PCDHGA10: variants seen among roughly 807,000 people sequenced by gnomAD.
PCDHGA10 encodes the protein protocadherin gamma subfamily A, 10, also known as protocadherin gamma-A10.
In PCDHGA10, 42 loss-of-function variants were observed where a neutral mutation model predicts 59.5. The observed-to-expected ratio is 0.71, with a 90% CI of 0.55 to 0.91. The LOEUF (loss-of-function observed/expected upper bound fraction) is 0.91. PCDHGA10 is among the 40% of genes least tolerant of loss of function. The probability of loss-of-function intolerance (pLI) is 0.00; values close to 1 mark genes in which losing one functional copy is unlikely to be tolerated. For synonymous variants in PCDHGA10, 511 were observed against 517.2 expected, an observed-to-expected ratio of 0.99 and a Z score of 0.16; for missense variants, 1,111 against 1,198.2, an observed-to-expected ratio of 0.93 and a Z score of 1.07.
rs1340590903 is a variant in PCDHGA10, at chr5:141,432,842, G to A, written c.2436+17231G>A. On this transcript the variant is annotated intron_variant, in intron 1 of 3. Coordinates refer to ENST00000398610, the MANE Select transcript of PCDHGA10 (RefSeq NM_018913.3). This position sits in a 1 kb window ranked among gnomAD's most constrained non-coding sequence, Gnocchi z 6.0. ...CTCAGACCTCACTCTGTACCTGGTG[G>A]TAGCGGTGGCCGCGGTCTCCTGCGT... 5 of 1,614,192 alleles carry A rather than the reference G, an allele frequency of 3.1e-6. No individual in the cohort carries two copies. The South Asian group carries it at 4.4e-5, about 14-fold the overall frequency.
chr5:141,460,430 G>T (rs1163518139), intron 1 of PCDHGA10, among the ~76,000 whole-genome samples: 2 of 152,110 alleles, frequency 1.3e-5, no homozygotes, highest in African/African-American at 4.8e-5. Flanking sequence ...ATGGTGTATG[G>T]TGTGAGGTAA....
At position 141,505,504 on chromosome 5, in the gene PCDHGA10, T is replaced by C. The variant is rs756583857; in HGVS notation, c.2584+23T>C. The C allele has an allele frequency of 9.3e-6, 15 of 1,614,020 alleles. No individual in the cohort carries two copies. The African/African-American group carries it at 1.2e-4, about 13-fold the overall frequency. ...GTGGTAAGTGGTGTCAGTGTGTGTA[T>C]GGAAGAGTGGGAGACCTGGGGTTCT... On this transcript the variant is annotated intron_variant, in intron 3 of 3. Transcript: ENST00000398610.
At chr5:141,463,784 T>G (rs2099069378) in intron 1 of PCDHGA10, among the ~76,000 whole-genome samples, 1 of 152,194 alleles carries the variant, frequency 6.6e-6, no homozygotes, top group South Asian at 2.1e-4. Context: ...CTGCACTGTC[T>G]TTTGAACAAA....
At chr5:141,472,980 C>CAAAAAA (rs60579131) in intron 1 of PCDHGA10, among the ~76,000 whole-genome samples, 7 of 86,100 alleles carry the variant, frequency 8.1e-5, no homozygotes, top group South Asian at 4.3e-4. Context: ...GAGTGAAACT[C>CAAAAAA]AAAAAAAAAA....
intron 1 of PCDHGA10, chr5:141,419,095 G>A (rs1478382101): frequency 1.2e-6 from 2 of 1,613,816 alleles, no homozygotes; most frequent in African/African-American, 2.7e-5. Context: ...CCCTGGATCG[G>A]GAGCAGACCC....
At chr5:141,420,527 G>T (rs368419425) in intron 1 of PCDHGA10, 3 of 349,150 alleles carry the variant, frequency 8.6e-6, no homozygotes, top group Non-Finnish European at 1.5e-5. Flanking sequence ...ATACCTTTCG[G>T]TTAAAAATAT....
chr5:141,490,103 C>T lies in PCDHGA10; in HGVS notation c.2437-4704C>T, dbSNP rs1012215533. ...TCTTTTGGAGACCACACATCTGAGG[C>T]AGTGCGGAACCTCTTTGGCCTAGAC... On this transcript the variant is annotated intron_variant, in intron 1 of 3. Coordinates refer to ENST00000398610, the MANE Select transcript of PCDHGA10 (RefSeq NM_018913.3). The surrounding 1 kb of genome is among the most constrained non-coding windows in gnomAD (Gnocchi z 5.4). The T allele has an allele frequency of 6.2e-7, 1 of 1,614,122 alleles. No homozygotes were observed. The highest frequency in any genetic ancestry group is 1.3e-5 in the African/African-American group (1 of 74,954).
intron 1 of PCDHGA10, chr5:141,419,253 A>C (rs1590154657): frequency 6.2e-7 from 1 of 1,613,990 alleles, no homozygotes; most frequent in South Asian, 1.1e-5. Context: ...CCAGAAAACA[A>C]CCAGCCGGGT....
intron 1 of PCDHGA10, chr5:141,428,912 T>C (rs1010303812): frequency 6.6e-6 from 1 of 151,946 alleles, no homozygotes; most frequent in Non-Finnish European, 1.5e-5. Context: ...TGGAGTGCAG[T>C]GGCATGATCT....
chr5:141,418,273 A>G (rs1440274831), intron 1 of PCDHGA10: 2 of 1,614,082 alleles, frequency 1.2e-6, no homozygotes, highest in Non-Finnish European at 8.5e-7. Flanking sequence ...AAGATGAAAT[A>G]AACTTAGAAA....
intron 2 of PCDHGA10, among the ~76,000 whole-genome samples, chr5:141,501,057 C>T (rs185929124): frequency 9.7e-4 from 147 of 151,960 alleles, no homozygotes; most frequent in African/African-American, 3.4e-3. Context: ...TTAGTAGAGA[C>T]GGGGTTTCAC....
At chr5:141,438,487 G>T (rs1030201971) in intron 1 of PCDHGA10, among the ~76,000 whole-genome samples, 9 of 150,284 alleles carry the variant, frequency 6.0e-5, no homozygotes, top group African/African-American at 2.2e-4. Flanking sequence ...GTCTCTTGGA[G>T]AAAAAAGAAT....
In PCDHGA10 at chr5:141,486,546, G is replaced by A. The variant is rs1156517969; in HGVS notation, c.2437-8261G>A. Reference sequence around the variant, plus strand: ...GATAATCCACCCTCTTTCTTTCAGAGGTCACATGAGGTGTTTGTTCCTGAG... The same window carrying A: ...GATAATCCACCCTCTTTCTTTCAGAAGTCACATGAGGTGTTTGTTCCTGAG... On this transcript the variant is annotated intron_variant, in intron 1 of 3. Coordinates refer to ENST00000398610, the MANE Select transcript of PCDHGA10 (RefSeq NM_018913.3). The surrounding 1 kb of genome is among the most constrained non-coding windows in gnomAD (Gnocchi z 5.0). 3 of 1,614,084 alleles carry A rather than the reference G, an allele frequency of 1.9e-6. No homozygotes were observed. The East Asian group carries it at 6.7e-5, about 36-fold the overall frequency.
rs968865313 is a variant in PCDHGA10, at chr5:141,511,294, C to T, written c.*121C>T. 1 of 1,506,752 alleles carries T rather than the reference C, an allele frequency of 6.6e-7. No individual in the cohort carries two copies. Among genetic ancestry groups the T allele is most frequent in the Non-Finnish European group, 8.9e-7 (1 of 1,123,692 alleles). 93.3% of individuals were successfully genotyped at this position (1,506,752 alleles called of 1,614,324 possible). On this transcript the variant is annotated 3_prime_UTR_variant, in exon 4 of 4. Coordinates refer to ENST00000398610, the MANE Select transcript of PCDHGA10 (RefSeq NM_018913.3). ...CCCAGAATACTGGTAGGGGCCAAGG[C>T]CATGCTCCCCTTGGGAAACAGAAAC...
At chr5:141,460,987 A>C (rs201722325) in intron 1 of PCDHGA10, among the ~76,000 whole-genome samples, 1 of 92,990 alleles carries the variant, frequency 1.1e-5, no homozygotes, top group South Asian at 3.4e-4. Context: ...GTGTGTGTAT[A>C]TATATATATG....
At chr5:141,449,349 G>A (rs191322076) in intron 1 of PCDHGA10, among the ~76,000 whole-genome samples, 2 of 151,956 alleles carry the variant, frequency 1.3e-5, no homozygotes, top group African/African-American at 4.8e-5. Flanking sequence ...GCTCACTCCT[G>A]TAATCCCAGC....
rs769641310 is a variant in PCDHGA10, at chr5:141,477,421, T to G, written c.2437-17386T>G. 1.7e-5 allele frequency: 28 copies of G among 1,614,172 alleles called. No individual in the cohort carries two copies. Among genetic ancestry groups the G allele is most frequent in the Non-Finnish European group, 2.3e-5 (27 of 1,180,028 alleles). On this transcript the variant is annotated intron_variant, in intron 1 of 3. Coordinates refer to ENST00000398610, the MANE Select transcript of PCDHGA10 (RefSeq NM_018913.3). The surrounding 1 kb of genome is among the most constrained non-coding windows in gnomAD (Gnocchi z 4.9). ...TCACCGCCCGAGACGCCGGAACCCC[T>G]TCCCTCTCAGCCCTTACAATAGTGC...
At chr5:141,494,938 G>A in intron 2 of PCDHGA10, 73 bp downstream of exon 2, 1 of 1,611,916 alleles carries the variant, frequency 6.2e-7, no homozygotes, top group South Asian at 1.1e-5. Context: ...AGGAGATGGG[G>A]GAGGGCCCAG....
Position 141,432,039 on chromosome 5 carries a change from G to C in PCDHGA10, c.2436+16428G>C. ...AACATCACAGTGACCGCCACTGACC[G>C]GGGAACCCCGCCCCTATCCACGGAA... On this transcript the variant is annotated intron_variant, in intron 1 of 3. Transcript: ENST00000398610. This position sits in a 1 kb window ranked among gnomAD's most constrained non-coding sequence, Gnocchi z 6.0. 6.2e-7 allele frequency: 1 copy of C among 1,614,176 alleles called. No homozygotes were observed. Among genetic ancestry groups the C allele is most frequent in the Non-Finnish European group, 8.5e-7 (1 of 1,180,028 alleles).
Sources: allele counts gnomAD v4.1 joint callset (sites outside exome capture counted in the v4.1 genomes callset), GRCh38; gene constraint gnomAD v4.1.1; non-coding constraint Gnocchi (gnomAD v3.1); transcripts MANE v1.5; gene names NCBI Gene and HGNC (gene_info 2026-07-23, HGNC 2026-07-21).